The following SLC12A5 variants were observed in gnomAD, a reference collection of about 807,000 sequenced individuals.
The protein encoded by SLC12A5 is K-Cl cotransporter 2.
Under a neutral mutation model 124.0 loss-of-function variants are expected in SLC12A5, and 18 were observed. The ratio of observed to expected loss-of-function variants is 0.15; its 90% CI spans 0.10 to 0.22. The LOEUF is 0.22. SLC12A5 is among the 10% of genes least tolerant of loss of function. The probability of loss-of-function intolerance (pLI) is 1.00; values close to 1 mark genes in which losing one functional copy is unlikely to be tolerated. For synonymous variants in SLC12A5, 589 were observed against 568.0 expected (o/e 1.04, Z -0.53); for missense variants, 867 against 1,478.7 (o/e 0.59, Z 6.78).
At position 46,059,367 on chromosome 20, in the gene SLC12A5, C is replaced by A. The variant is rs953644220; in HGVS notation, c.*1762C>A. ...TGGAGGTCTGCCAGTTACACCAAGT[C>A]CCCTCTGAGATTCGATCAGGGGACT... is the stretch of plus-strand genomic sequence containing the variant. On this transcript the variant is annotated 3_prime_UTR_variant, in exon 26 of 26. Transcript: ENST00000243964. 1.3e-5 allele frequency: 5 copies of A among 389,926 alleles called. No individual in the cohort carries two copies. The highest frequency in any genetic ancestry group is 2.1e-5 in the African/African-American group (1 of 48,416). 24.2% of individuals were successfully genotyped at this position (389,926 alleles called of 1,614,324 possible).
upstream of SLC12A5, among the ~76,000 whole-genome samples, chr20:46,025,693 G>A (rs906547349): frequency 7.9e-5 from 12 of 152,316 alleles, no homozygotes; most frequent in Middle Eastern, 6.8e-3. Context: ...CGGTTGCCAC[G>A]GAGACAGTGG....
chr20:46,037,793 A>G (rs1242815801), intron 6 of SLC12A5, among the ~76,000 whole-genome samples: 1 of 152,228 alleles, frequency 6.6e-6, no homozygotes, highest in East Asian at 1.9e-4. Context: ...GTAGAAATAA[A>G]AACAGTAATG....
chr20:46,022,956 GGAGGAGGAGGAGGAGGAGGAA>G (rs1290915095), exon 2 of SLC12A5: 4 of 402,586 alleles, frequency 9.9e-6, no homozygotes, highest in East Asian at 3.6e-5. Context: ...AGGAGGAGGA[GGAGGAGGAGGAGGAGGAGGAA>G]GAGGAGGAGG....
chr20:46,050,321 G>C (rs2084636376), intron 17 of SLC12A5, among the ~76,000 whole-genome samples: 1 of 152,240 alleles, frequency 6.6e-6, no homozygotes, highest in Admixed American at 6.5e-5. Flanking sequence ...TCAGGCCCCT[G>C]CTCTGTGTCA....
At chr20:46,039,191 G>A (rs994768728) in intron 6 of SLC12A5, among the ~76,000 whole-genome samples, 19 of 152,026 alleles carry the variant, frequency 1.2e-4, no homozygotes, top group Non-Finnish European at 2.4e-4. Flanking sequence ...TATATTATTT[G>A]CAGTGAAAAT....
upstream of SLC12A5, among the ~76,000 whole-genome samples, chr20:46,026,095 G>T (rs1207270851): frequency 6.6e-6 from 1 of 152,186 alleles, no homozygotes; most frequent in African/African-American, 2.4e-5. Context: ...ACCCCATGAA[G>T]AAAATATGAA....
chr20:46,045,452 C>T lies in SLC12A5; in HGVS notation c.1569+312C>T, dbSNP rs1371740666. On this transcript the variant is annotated intron_variant, in intron 12 of 25. Coordinates refer to ENST00000243964, the MANE Select transcript of SLC12A5 (RefSeq NM_020708.5). The surrounding 1 kb of genome is among the most constrained non-coding windows in gnomAD (Gnocchi z 4.9). ...TGCATCCCTTGGAGCACTGTCTGCT[C>T]TTGGGGAAAAAATAAATGGCCCTGT... Among the ~76,000 whole-genome samples, 1 of 152,100 alleles carries T rather than the reference C, an allele frequency of 6.6e-6. No homozygotes were observed. The highest frequency in any genetic ancestry group is 6.5e-5 in the Admixed American group (1 of 15,276).
At chr20:46,022,399 G>T (rs899960034) in intron 1 of SLC12A5, among the ~76,000 whole-genome samples, 10 of 139,192 alleles carry the variant, frequency 7.2e-5, no homozygotes, top group Non-Finnish European at 1.4e-4. Context: ...CCAGGAGGAT[G>T]GGAGTGGGGC....
chr20:46,053,153 C>T lies in SLC12A5; in HGVS notation c.2547+27C>T, dbSNP rs753658601. ...TGAGTTGTGTGCGTGAGTGTATGCA[C>T]GTGTGAGTGTGTGTATGCATGTATG... On this transcript the variant is annotated intron_variant, in intron 19 of 25. Coordinates refer to ENST00000243964, the MANE Select transcript of SLC12A5 (RefSeq NM_020708.5). This position sits in a 1 kb window ranked among gnomAD's most constrained non-coding sequence, Gnocchi z 4.7. The T allele has an allele frequency of 3.8e-5, 61 of 1,594,378 alleles. No individual in the cohort carries two copies. Among genetic ancestry groups the T allele is most frequent in the East Asian group, 2.5e-4 (11 of 44,316 alleles).
Position 46,060,039 on chromosome 20 carries a change from TCTTTC to T in SLC12A5, c.*2439_*2443del, listed in dbSNP as rs1426480937. ...CCAATATGAAAAGGAGAGGGTTGGT[TCTTTC>T]CTTTATTGTTGAATGCTCCCATTTA... On this transcript the variant is annotated 3_prime_UTR_variant, in exon 26 of 26. Coordinates refer to ENST00000243964, the MANE Select transcript of SLC12A5 (RefSeq NM_020708.5). 1 of 166,170 alleles carries T rather than the reference TCTTTC, an allele frequency of 6.0e-6. No homozygotes were observed. The highest frequency in any genetic ancestry group is 2.4e-5 in the African/African-American group (1 of 42,054). The allele number at this position is 166,170 out of a possible 1,614,324, so 10.3% of individuals were successfully genotyped here. A position where few individuals can be genotyped will look rare whatever the true frequency, so the allele number is the denominator to read the frequency against.
chr20:46,045,244 C>A lies in SLC12A5; in HGVS notation c.1569+104C>A. The A allele has an allele frequency of 7.5e-7, 1 of 1,328,328 alleles. No homozygotes were observed. Among genetic ancestry groups the A allele is most frequent in the Non-Finnish European group, 1.0e-6 (1 of 992,510 alleles). The allele number at this position is 1,328,328 out of a possible 1,614,324, so 82.3% of individuals were successfully genotyped here. On this transcript the variant is annotated intron_variant, in intron 12 of 25. Transcript: ENST00000243964. The surrounding 1 kb of genome is among the most constrained non-coding windows in gnomAD (Gnocchi z 4.9). Reference sequence around the variant, plus strand: ...GCCATAACCAGCCTTAGACTACCTCCTGGGCCACTTCTGCTCTGTACTGCA... The same window carrying A: ...GCCATAACCAGCCTTAGACTACCTCATGGGCCACTTCTGCTCTGTACTGCA...
At chr20:46,046,112 C>T in intron 13 of SLC12A5, 116 bp downstream of exon 13, 1 of 957,596 alleles carries the variant, frequency 1.0e-6, no homozygotes, top group Non-Finnish European at 1.7e-6. Context: ...GGAAGTTCCC[C>T]ATTGGTCATA....
chr20:46,037,588 C>T (rs2084510092), intron 6 of SLC12A5, among the ~76,000 whole-genome samples: 1 of 152,180 alleles, frequency 6.6e-6, no homozygotes, highest in African/African-American at 2.4e-5. Flanking sequence ...ACATACACAG[C>T]TGTCGTTTAT....
chr20:46,043,990 T>G, intron 11 of SLC12A5, 57 bp downstream of exon 11: 1 of 1,509,542 alleles, frequency 6.6e-7, no homozygotes, highest in Non-Finnish European at 9.0e-7. Flanking sequence ...GAAGGCTGAG[T>G]TCTGGGAAAC....
chr20:46,056,019 A>T lies in SLC12A5; in HGVS notation c.2788-131A>T. 2 of 1,301,762 alleles carry T rather than the reference A, an allele frequency of 1.5e-6. No individual in the cohort carries two copies. Among genetic ancestry groups the T allele is most frequent in the Non-Finnish European group, 2.1e-6 (2 of 952,726 alleles). 80.6% of individuals were successfully genotyped at this position (1,301,762 alleles called of 1,614,324 possible). A position where few individuals can be genotyped will look rare whatever the true frequency, so the allele number is the denominator to read the frequency against. ...CAGTAGCTATTTGGTCTCAAATCAT[A>T]GCAATATTTTAACAACTGGTACAGT... On this transcript the variant is annotated intron_variant, in intron 21 of 25. Coordinates refer to ENST00000243964, the MANE Select transcript of SLC12A5 (RefSeq NM_020708.5). The surrounding 1 kb of genome is among the most constrained non-coding windows in gnomAD (Gnocchi z 4.3).
chr20:46,047,544 A>G lies in SLC12A5; in HGVS notation c.1878A>G (p.Gly626=). 6.2e-7 allele frequency: 1 copy of G among 1,613,410 alleles called. No homozygotes were observed. Among genetic ancestry groups the G allele is most frequent in the Non-Finnish European group, 8.5e-7 (1 of 1,179,844 alleles). Residue 626 remains glycine (G), a synonymous_variant, in exon 15 of 26, where the codon GGA becomes GGG. Coordinates refer to ENST00000243964, the MANE Select transcript of SLC12A5 (RefSeq NM_020708.5). ...CACTGGTAGCCATGCTCATTGCTGG[A>G]CTCATCTACAAGTACATTGAGTACC... is the stretch of plus-strand genomic sequence containing the variant. ...YYALVAMLIA[G]LIYKYIEYRG... is the part of the protein sequence containing the mutation.
chr20:46,046,600 G>A (rs1048475523), intron 14 of SLC12A5, among the ~76,000 whole-genome samples, 164 bp downstream of exon 14: 2 of 152,142 alleles, frequency 1.3e-5, no homozygotes, highest in Admixed American at 6.5e-5. Flanking sequence ...GAAGGTCCCC[G>A]AGAGGGTCTC....
Position 46,056,554 on chromosome 20 carries a change from A to G in SLC12A5, c.3100A>G (p.Ser1034Gly). 6.2e-7 allele frequency: 1 copy of G among 1,614,006 alleles called. No homozygotes were observed. The highest frequency in any genetic ancestry group is 8.5e-7 in the Non-Finnish European group (1 of 1,179,908). Reference sequence around the variant, plus strand: ...CTCTGAGGGCATCAAGGACTTCTTCAGCATGAAGCCGTACGGGCCTGGGGG... The same window carrying G: ...CTCTGAGGGCATCAAGGACTTCTTCGGCATGAAGCCGTACGGGCCTGGGGG... ...VSSEGIKDFF[S>G]MKPEWENLNQ... The change falls in exon 23 of 26, where the codon AGC becomes GGC. Residue 1034 changes from serine (S) to glycine (G), a missense_variant. By Grantham distance (56) the Ser-to-Gly change is moderately conservative. Coordinates refer to ENST00000243964, the MANE Select transcript of SLC12A5 (RefSeq NM_020708.5). This position sits in a 1 kb window ranked among gnomAD's most constrained non-coding sequence, Gnocchi z 4.3.
chr20:46,026,060 C>T (rs1480916675), upstream of SLC12A5, among the ~76,000 whole-genome samples: 1 of 152,222 alleles, frequency 6.6e-6, no homozygotes, highest in Non-Finnish European at 1.5e-5. Context: ...GGGCTGGGTT[C>T]TAGTCCCTAG....
Sources: gnomAD v4.1 joint callset for allele counts (sites outside exome capture counted in the v4.1 genomes callset) on GRCh38, gnomAD v4.1.1 for gene constraint, Gnocchi (gnomAD v3.1) non-coding constraint, MANE v1.5 for transcripts, NCBI Gene and HGNC (gene_info 2026-07-23, HGNC 2026-07-21) for gene names.